Variants in RALYL observed in about 807,000 individuals in gnomAD.
RALYL encodes the protein RALY RNA binding protein like, also known as RNA-binding Raly-like protein.
A neutral mutation model predicts 35.1 loss-of-function variants in RALYL; 29 were observed. The observed-to-expected ratio is 0.83, with a 90% CI of 0.61 to 1.13. The LOEUF (loss-of-function observed/expected upper bound fraction) is 1.13, where lower values mean the gene tolerates loss of function less well. RALYL is among the 50% of genes most tolerant of loss of function. The probability of loss-of-function intolerance (pLI) is 0.00; values close to 1 mark genes in which losing one functional copy is unlikely to be tolerated. For synonymous variants in RALYL, 120 were observed against 127.6 expected, an observed-to-expected ratio of 0.94 and a Z score of 0.40; for missense variants, 359 against 360.4, an observed-to-expected ratio of 1.00 and a Z score of 0.03.
chr8:84,486,773 T>G (rs1252789889), intron 1 of RALYL, among the ~76,000 whole-genome samples: 1 of 152,102 alleles, frequency 6.6e-6, no homozygotes, highest in Non-Finnish European at 1.5e-5. Context: ...CAATATAATT[T>G]ATGTTTATAT....
chr8:84,625,030 T>C (rs867681357), intron 2 of RALYL, among the ~76,000 whole-genome samples: 3 of 152,224 alleles, frequency 2.0e-5, no homozygotes, highest in African/African-American at 4.8e-5. Flanking sequence ...TTTATTTGAA[T>C]AGTGTTACAG....
chr8:84,695,761 C>CA (rs1839001498), intron 2 of RALYL, among the ~76,000 whole-genome samples: 1 of 151,700 alleles, frequency 6.6e-6, no homozygotes, highest in East Asian at 1.9e-4. Context: ...CTTAGCAAAA[C>CA]AAAAAATGTA....
At chr8:84,835,908 CG>C (rs1563709334) in intron 4 of RALYL, among the ~76,000 whole-genome samples, 1 of 151,344 alleles carries the variant, frequency 6.6e-6, no homozygotes, top group Non-Finnish European at 1.5e-5. Context: ...GAAATGCTGA[CG>C]GATTAAAAGA....
chr8:84,373,534 T>C (rs1051559122), intron 1 of RALYL, among the ~76,000 whole-genome samples: 4 of 151,994 alleles, frequency 2.6e-5, no homozygotes, highest in African/African-American at 9.7e-5. Flanking sequence ...GTTCTAAGTG[T>C]GTGGCCTCAT....
In RALYL at chr8:84,357,756, C is replaced by A. The variant is rs929308004; in HGVS notation, c.-23-171543C>A. On this transcript the variant is annotated intron_variant, in intron 1 of 8. Transcript: ENST00000521268. The stretch of plus-strand genomic sequence containing the variant: ...CCTTATTCATTCTAATTTAGCTTGT[C>A]GTATATATATAAATATATATATTTA... 2.3e-5 allele frequency among the ~76,000 whole-genome samples: 3 copies of A among 131,686 alleles called. No homozygotes were observed. In the South Asian group the frequency reaches 6.6e-4, roughly 29 times the overall value. The allele number at this position is 131,686 out of a possible 152,430, so 86.4% of individuals were successfully genotyped here. A position where few individuals can be genotyped will look rare whatever the true frequency, so the allele number is the denominator to read the frequency against.
intron 2 of RALYL, among the ~76,000 whole-genome samples, chr8:84,684,998 C>T (rs1389096082): frequency 8.5e-5 from 13 of 152,150 alleles, no homozygotes. Context: ...GCTCACGTGA[C>T]TTCTTTGTGG....
intron 2 of RALYL, among the ~76,000 whole-genome samples, chr8:84,610,361 T>C (rs749002864): frequency 1.2e-4 from 19 of 152,182 alleles, no homozygotes; most frequent in Admixed American, 2.0e-4. Context: ...TTTTGTCTGA[T>C]ATTTTTCTCA....
At chr8:84,470,467 GGT>G (rs201235146) in intron 1 of RALYL, among the ~76,000 whole-genome samples, 25 of 115,202 alleles carry the variant, frequency 2.2e-4, no homozygotes, top group Non-Finnish European at 8.9e-5. Flanking sequence ...TGATTGTATG[GGT>G]TTTTTTTTTT....
In RALYL at chr8:84,622,845, C is replaced by T. The variant is rs965707106; in HGVS notation, c.256+93268C>T. On this transcript the variant is annotated intron_variant, in intron 2 of 8. Coordinates refer to ENST00000521268, the MANE Select transcript of RALYL (RefSeq NM_173848.7). ...CTGTGTCTCAAGATGTAAGAATTGA[C>T]GAGTACACACCAAGTCGTTGTTATC... is the stretch of plus-strand genomic sequence containing the variant. 9.2e-5 allele frequency among the ~76,000 whole-genome samples: 14 copies of T among 152,006 alleles called. No individual in the cohort carries two copies. In the South Asian group the frequency reaches 1.2e-3, roughly 14 times the overall value.
chr8:84,920,118 T>G (rs888094030), intron 8 of RALYL, among the ~76,000 whole-genome samples: 2 of 152,118 alleles, frequency 1.3e-5, no homozygotes, highest in African/African-American at 4.8e-5. Flanking sequence ...ATACCTTGAT[T>G]TGCATGTCTT....
intron 1 of RALYL, among the ~76,000 whole-genome samples, chr8:84,522,779 T>C (rs903961384): frequency 6.6e-6 from 1 of 152,186 alleles, no homozygotes; most frequent in Non-Finnish European, 1.5e-5. Context: ...TTCTTAGTCA[T>C]TTTTGCCTCC....
At chr8:84,660,739 A>G (rs1177097647) in intron 2 of RALYL, among the ~76,000 whole-genome samples, 1 of 152,024 alleles carries the variant, frequency 6.6e-6, no homozygotes, top group Non-Finnish European at 1.5e-5. Flanking sequence ...AGCAAGTTAT[A>G]TATTATGTGT....
chr8:84,495,879 T>C (rs562213653), intron 1 of RALYL, among the ~76,000 whole-genome samples: 9 of 152,262 alleles, frequency 5.9e-5, no homozygotes, highest in Non-Finnish European at 1.3e-4. Flanking sequence ...GTTATTAGTA[T>C]TTTGTAATGG....
intron 1 of RALYL, among the ~76,000 whole-genome samples, chr8:84,383,530 T>C (rs1436691279): frequency 6.6e-6 from 1 of 151,542 alleles, no homozygotes; most frequent in Non-Finnish European, 1.5e-5. Context: ...TTTATCTAGA[T>C]ATAAAGGATT....
intron 2 of RALYL, among the ~76,000 whole-genome samples, chr8:84,544,728 T>A (rs1236990222): frequency 6.6e-6 from 1 of 152,060 alleles, no homozygotes; most frequent in Admixed American, 6.6e-5. Flanking sequence ...TATTTTCAAC[T>A]ATCTATCATA....
At chr8:84,683,936 A>G (rs530888757) in intron 2 of RALYL, among the ~76,000 whole-genome samples, 42 of 152,262 alleles carry the variant, frequency 2.8e-4, no homozygotes, top group African/African-American at 1.0e-3. Flanking sequence ...TCGATCCCTC[A>G]GGTGATCCAC....
At chr8:84,767,645 C>T (rs1359621403) in intron 2 of RALYL, among the ~76,000 whole-genome samples, 2 of 152,096 alleles carry the variant, frequency 1.3e-5, no homozygotes, top group Non-Finnish European at 2.9e-5. Flanking sequence ...GTTCTCTTAA[C>T]CTGTGGTTTG....
At chr8:84,633,132 A>G (rs1247475769) in intron 2 of RALYL, among the ~76,000 whole-genome samples, 1 of 150,856 alleles carries the variant, frequency 6.6e-6, no homozygotes, top group Non-Finnish European at 1.5e-5. Flanking sequence ...TTTTTTTAAT[A>G]TTGCATGCAG....
intron 4 of RALYL, among the ~76,000 whole-genome samples, chr8:84,832,551 G>A (rs1048724486): frequency 6.6e-6 from 1 of 151,756 alleles, no homozygotes; most frequent in Admixed American, 6.6e-5. Flanking sequence ...TTTTGACTTC[G>A]CATCAGTTTG....
Sources: allele counts gnomAD v4.1 joint callset (sites outside exome capture counted in the v4.1 genomes callset), GRCh38; gene constraint gnomAD v4.1.1; transcripts MANE v1.5; gene names NCBI Gene and HGNC (gene_info 2026-07-23, HGNC 2026-07-21).